The following SPTA1 variants were observed in gnomAD, a reference collection of about 807,000 sequenced individuals.
SPTA1 encodes the protein spectrin alpha, erythrocytic 1, also known as spectrin alpha chain, erythrocytic 1.
In SPTA1, 177 loss-of-function variants were observed where a neutral mutation model predicts 324.7. The observed-to-expected ratio is 0.55, with a 90% confidence interval of 0.48 to 0.62. SPTA1 has a LOEUF of 0.62. SPTA1 is among the 20% of genes least tolerant of loss of function. SPTA1 has a pLI of 0.00. For missense variants in SPTA1, 3,162 were observed against 2,883.6 expected, an observed-to-expected ratio of 1.10 and a Z score of -2.21; for synonymous variants, 1,195 against 1,041.3, an observed-to-expected ratio of 1.15 and a Z score of -2.84.
At chr1:158,656,732 T>A in intron 19 of SPTA1, 76 bp from the exon 20 acceptor site, 3 of 1,388,292 alleles carry the variant, frequency 2.2e-6, no homozygotes, top group East Asian at 2.3e-5. Flanking sequence ...TATTTTGGGT[T>A]ATGCTATTTG....
intron 39 of SPTA1, among the ~76,000 whole-genome samples, chr1:158,633,649 A>T (rs533301925): frequency 1.4e-5 from 2 of 142,296 alleles, no homozygotes; most frequent in East Asian, 4.2e-4. Context: ...AGACAGAGTG[A>T]GACTCTGTCT....
chr1:158,612,374 A>G (rs1649309835), intron 51 of SPTA1: 1 of 222,210 alleles, frequency 4.5e-6, no homozygotes, highest in African/African-American at 2.3e-5. Flanking sequence ...TTCTGGTTGT[A>G]ATAAAATTCC....
Position 158,681,631 on chromosome 1 carries a change from G to T in SPTA1, c.427C>A (p.Leu143Met), listed in dbSNP as rs746078222. Residue 143 changes from leucine (L) to methionine (M), a missense_variant, in exon 4 of 52, where the codon CTG becomes ATG. Transcript: ENST00000643759. ...CCCTTCTCCAGGGTCAGCTCTAACA[G>T]CAGGTCCCACAGGTGGCGTAGCTCC... ...IEELRHLWDL[L>M]LELTLEKGDQ... The T allele has an allele frequency of 2.7e-5, 44 of 1,613,648 alleles. No homozygotes were observed. The African/African-American group carries it at 5.1e-4, about 19-fold the overall frequency.
chr1:158,628,595 C>A (rs150407890), intron 39 of SPTA1, among the ~76,000 whole-genome samples: 8 of 152,024 alleles, frequency 5.3e-5, no homozygotes, highest in Non-Finnish European at 1.0e-4. Context: ...TTTGAAGAAA[C>A]GGTAAATGAA....
At chr1:158,641,445 A>G (rs1435929818) in intron 33 of SPTA1, among the ~76,000 whole-genome samples, 1 of 152,130 alleles carries the variant, frequency 6.6e-6, no homozygotes, top group Admixed American at 6.5e-5. Context: ...TCTACAATGA[A>G]CTCCAACACA....
chr1:158,626,787 G>A, intron 41 of SPTA1, 52 bp downstream of exon 41: 1 of 1,609,684 alleles, frequency 6.2e-7, no homozygotes, highest in Non-Finnish European at 8.5e-7. Flanking sequence ...ACATGGATGG[G>A]ATTTATTAGG....
In SPTA1 at chr1:158,617,610, T is replaced by G. The variant is rs41273515; in HGVS notation, c.6549-22A>C. ...TGATCTAGTTAAGAACCGAAGGAAA[T>G]CATTATGCATCACATCACAGGTCAA... On this transcript the variant is annotated intron_variant, in intron 46 of 51. Transcript: ENST00000643759. The G allele has an allele frequency of 0.027, 42,686 of 1,591,428 alleles. 2,088 individuals carry two copies. Among genetic ancestry groups the G allele is most frequent in the African/African-American group, 0.2 (15,154 of 74,630 alleles).
At chr1:158,645,633 T>G in intron 27 of SPTA1, 39 bp from the exon 28 acceptor site, 1 of 1,605,680 alleles carries the variant, frequency 6.2e-7, no homozygotes. Flanking sequence ...AAGAAAACCT[T>G]GCAACTTGCT....
In SPTA1 at chr1:158,673,732, C is replaced by T. The variant is rs563454386; in HGVS notation, c.1350+597G>A. 9.2e-5 allele frequency among the ~76,000 whole-genome samples: 14 copies of T among 152,128 alleles called. No individual in the cohort carries two copies. The South Asian group carries it at 2.9e-3, about 32-fold the overall frequency. Reference sequence around the variant, plus strand: ...ACGAAACTGGGCATACGTCAGGAGGCAAAATGGAATGGAGGTTTCAAATTA... The same window carrying T: ...ACGAAACTGGGCATACGTCAGGAGGTAAAATGGAATGGAGGTTTCAAATTA... On this transcript the variant is annotated intron_variant, in intron 10 of 51. Coordinates refer to ENST00000643759, the MANE Select transcript of SPTA1 (RefSeq NM_003126.4).
At chr1:158,613,082 C>T (rs1156339826) in intron 50 of SPTA1, 121 bp from the exon 51 acceptor site, 1 of 1,085,302 alleles carries the variant, frequency 9.2e-7, no homozygotes, top group Non-Finnish European at 1.4e-6. Context: ...CCTCTTCCAA[C>T]TAAGCTTTCT....
At chr1:158,612,779 G>A (rs372314624) in intron 51 of SPTA1, 38 bp downstream of exon 51, 1 of 1,612,486 alleles carries the variant, frequency 6.2e-7, no homozygotes, top group South Asian at 1.1e-5. Context: ...ATTCAAATTA[G>A]GATGACAGTG....
rs568705471 is a variant in SPTA1, at chr1:158,644,279, C to T, written c.4312G>A (p.Asp1438Asn). 48 of 1,613,700 alleles carry T rather than the reference C, an allele frequency of 3.0e-5. No individual in the cohort carries two copies. Among genetic ancestry groups the T allele is most frequent in the South Asian group, 2.5e-4 (23 of 91,088 alleles). The change falls in exon 30 of 52, where the codon GAT becomes AAT. Residue 1438 changes from aspartate (D) to asparagine (N), a missense_variant. By Grantham distance (23) the Asp-to-Asn change is conservative. Transcript: ENST00000643759. The part of the protein sequence containing the change: ...SLEALMKKRD[D>N]LDKAITAQEG... ...TGGGCAGTGATTGCTTTGTCCAAATCGTCCCGTTTCTTCATCAAAGCCTCC... is the reference window on the plus strand; with the variant it reads ...TGGGCAGTGATTGCTTTGTCCAAATTGTCCCGTTTCTTCATCAAAGCCTCC...
At chr1:158,648,358 C>T in intron 26 of SPTA1, 151 bp downstream of exon 26, 1 of 1,200,456 alleles carries the variant, frequency 8.3e-7, no homozygotes, top group Non-Finnish European at 1.2e-6. Context: ...ATGGTCTTGC[C>T]TTAGGGACAG....
chr1:158,631,192 C>T (rs998912912), intron 39 of SPTA1, among the ~76,000 whole-genome samples: 5 of 152,196 alleles, frequency 3.3e-5, no homozygotes, highest in African/African-American at 1.2e-4. Flanking sequence ...TTTGCAATTG[C>T]AAAAATAACC....
intron 15 of SPTA1, 146 bp from the exon 16 acceptor site, chr1:158,666,643 A>G (rs1422373035): frequency 1.6e-5 from 12 of 769,942 alleles, no homozygotes; most frequent in Non-Finnish European, 2.3e-5. Context: ...TCTCACAAAA[A>G]GTCATCTTAA....
At chr1:158,648,365 A>G in intron 26 of SPTA1, 144 bp downstream of exon 26, 5 of 1,230,470 alleles carry the variant, frequency 4.1e-6, no homozygotes, top group Middle Eastern at 2.7e-4. Flanking sequence ...TGCCTTAGGG[A>G]CAGTGTACAA....
At chr1:158,666,561 T>C in intron 15 of SPTA1, 64 bp from the exon 16 acceptor site, 1 of 1,375,626 alleles carries the variant, frequency 7.3e-7, no homozygotes, top group South Asian at 1.2e-5. Flanking sequence ...CACTATAATA[T>C]ACCTTCCTCC....
At position 158,648,570 on chromosome 1, in the gene SPTA1, A is replaced by G; in HGVS notation, c.3653T>C (p.Val1218Ala). 1 of 1,614,002 alleles carries G rather than the reference A, an allele frequency of 6.2e-7. No individual in the cohort carries two copies. Among genetic ancestry groups the G allele is most frequent in the Non-Finnish European group, 8.5e-7 (1 of 1,179,970 alleles). ...AADPGSDLFS[V>A]QALQRRHEGF... ...CTCATGCCGTCGCTGAAGAGCCTGA[A>G]CACTGAACAGATCTGAGCCAGGGTC... Residue 1218 changes from valine (V) to alanine (A), a missense_variant, in exon 26 of 52, where the codon GTT (valine) becomes GCT (alanine). Transcript: ENST00000643759.
At chr1:158,639,515 A>G (rs1038512536) in intron 35 of SPTA1, 67 bp downstream of exon 35, 1 of 1,516,684 alleles carries the variant, frequency 6.6e-7, no homozygotes, top group South Asian at 1.1e-5. Context: ...GTCTCCTAAC[A>G]TGGGAGGGAG....
Sources: gnomAD v4.1 joint callset for allele counts (sites outside exome capture counted in the v4.1 genomes callset) on GRCh38, gnomAD v4.1.1 for gene constraint, MANE v1.5 for transcripts, NCBI Gene and HGNC (gene_info 2026-07-23, HGNC 2026-07-21) for gene names.